The following NT5DC1 variants were observed in gnomAD, a reference collection of about 807,000 sequenced individuals.
NT5DC1 encodes the protein 5'-nucleotidase domain containing 1.
NT5DC1 carries 42 observed loss-of-function variants against 59.4 expected under a neutral mutation model. The ratio of observed to expected loss-of-function variants is 0.71; its 90% CI spans 0.55 to 0.92. The LOEUF is 0.92. Ranked by LOEUF, NT5DC1 falls within the 40% of genes least tolerant of loss-of-function variation. The pLI, the probability that NT5DC1 is intolerant of heterozygous loss-of-function variation, is 0.00. For synonymous variants in NT5DC1, 172 were observed against 188.1 expected, an observed-to-expected ratio of 0.91 and a Z score of 0.70; for missense variants, 501 against 537.1, an observed-to-expected ratio of 0.93 and a Z score of 0.66.
chr6:116,184,814 A>T (rs1011281761), intron 6 of NT5DC1, among the ~76,000 whole-genome samples: 1 of 152,026 alleles, frequency 6.6e-6, no homozygotes, highest in Non-Finnish European at 1.5e-5. Context: ...AATCTAATTT[A>T]TCTTTTCAAA....
chr6:116,200,170 G>A (rs1482634551), intron 6 of NT5DC1, among the ~76,000 whole-genome samples: 11 of 151,908 alleles, frequency 7.2e-5, no homozygotes, highest in African/African-American at 2.7e-4. Context: ...CCAGTCTAAT[G>A]AAAAAGTCAG....
At chr6:116,215,307 CAT>C (rs1781668269) in intron 6 of NT5DC1, among the ~76,000 whole-genome samples, 2 of 152,100 alleles carry the variant, frequency 1.3e-5, no homozygotes, top group Non-Finnish European at 2.9e-5. Flanking sequence ...AATTGCAAAA[CAT>C]GGTCTCCAAA....
rs754198326 is a variant in NT5DC1 at position 116,120,557 on chromosome 6, A to G, written c.529+2612A>G. 1.9e-6 allele frequency: 3 copies of G among 1,611,964 alleles called. No homozygotes were observed. The South Asian group carries it at 3.3e-5, about 18-fold the overall frequency. ...TGCCTTTATAAAACCCTCAGGCATG[A>G]CTGCTTGACCTGGTGGGCCTGGAGG... On this transcript the variant is annotated intron_variant, in intron 6 of 11. Coordinates refer to ENST00000319550, the MANE Select transcript of NT5DC1 (RefSeq NM_152729.3).
chr6:116,224,026 A>T (rs1019530102), intron 8 of NT5DC1, among the ~76,000 whole-genome samples: 1 of 152,214 alleles, frequency 6.6e-6, no homozygotes, highest in Non-Finnish European at 1.5e-5. Flanking sequence ...TGTCCACCAT[A>T]ATATATGATT....
chr6:116,189,296 A>AT (rs1781069543), intron 6 of NT5DC1, among the ~76,000 whole-genome samples: 1 of 151,520 alleles, frequency 6.6e-6, no homozygotes, highest in South Asian at 2.1e-4. Flanking sequence ...GCATGTGTAT[A>AT]TTTTTTCCCT....
chr6:116,101,782 C>T (rs1488501060), intron 1 of NT5DC1, among the ~76,000 whole-genome samples: 2 of 152,194 alleles, frequency 1.3e-5, no homozygotes, highest in African/African-American at 4.8e-5. Flanking sequence ...TCCACTATTC[C>T]TTTGGTTTCC....
rs372083871 is a variant in NT5DC1, at chr6:116,236,664, T to G, written c.803-302T>G. Among the ~76,000 whole-genome samples, 20 of 152,182 alleles carry G rather than the reference T, an allele frequency of 1.3e-4. No homozygotes were observed. The East Asian group carries it at 3.1e-3, about 24-fold the overall frequency. On this transcript the variant is annotated intron_variant, in intron 8 of 11. Coordinates refer to ENST00000319550, the MANE Select transcript of NT5DC1 (RefSeq NM_152729.3). ...GTTTTGTAGCAGTAGGGGCATGATG[T>G]CAAGCAGAGGCATGATGTCAAGCAG... is the stretch of plus-strand genomic sequence containing the variant.
intron 8 of NT5DC1, among the ~76,000 whole-genome samples, chr6:116,235,385 C>A (rs999793588): frequency 5.9e-5 from 9 of 152,082 alleles, no homozygotes; most frequent in African/African-American, 2.2e-4. Context: ...CCTATCTATT[C>A]TTTCTTTAAA....
intron 6 of NT5DC1, among the ~76,000 whole-genome samples, chr6:116,155,409 A>T (rs568739015): frequency 4.6e-5 from 7 of 152,224 alleles, no homozygotes; most frequent in African/African-American, 1.7e-4. Context: ...CTCTTTTGGA[A>T]TTCAGTGGCC....
intron 6 of NT5DC1, among the ~76,000 whole-genome samples, chr6:116,185,836 T>C (rs1391429037): frequency 6.6e-6 from 1 of 152,150 alleles, no homozygotes; most frequent in Non-Finnish European, 1.5e-5. Context: ...TCTGTATCTT[T>C]TAAGTGCAGC....
At chr6:116,221,289 G>T in intron 7 of NT5DC1, 61 bp downstream of exon 7, 1 of 975,446 alleles carries the variant, frequency 1.0e-6, no homozygotes, top group East Asian at 2.4e-5. Context: ...AATTAGACCA[G>T]GGCTTTTTTA....
chr6:116,130,357 A>G (rs1457355768), intron 6 of NT5DC1, among the ~76,000 whole-genome samples: 2 of 151,992 alleles, frequency 1.3e-5, no homozygotes, highest in African/African-American at 4.8e-5. Context: ...TATTAATCTT[A>G]CTATTGTTCA....
At chr6:116,219,232 C>T (rs12193094) in intron 6 of NT5DC1, among the ~76,000 whole-genome samples, 29,502 of 152,168 alleles carry the variant, frequency 0.19, 3,798 homozygotes, top group Middle Eastern at 0.34. Context: ...ATGTCCACTC[C>T]GCCATCTCTG....
At chr6:116,209,690 G>T (rs569464822) in intron 6 of NT5DC1, among the ~76,000 whole-genome samples, 1 of 151,982 alleles carries the variant, frequency 6.6e-6, no homozygotes, top group African/African-American at 2.4e-5. Context: ...ACGTTTATTT[G>T]GGGTTTTTTT....
intron 4 of NT5DC1, among the ~76,000 whole-genome samples, chr6:116,111,270 C>G (rs1474531098): frequency 6.6e-6 from 1 of 152,168 alleles, no homozygotes; most frequent in African/African-American, 2.4e-5. Flanking sequence ...GTTTTGTCCT[C>G]AATCCTTACT....
At position 116,236,986 on chromosome 6, in the gene NT5DC1, G is replaced by A. The variant is rs755035292; in HGVS notation, c.823G>A (p.Ala275Thr). The A allele has an allele frequency of 8.7e-6, 14 of 1,602,052 alleles. No homozygotes were observed. Among genetic ancestry groups the A allele is most frequent in the African/African-American group, 1.3e-5 (1 of 74,654 alleles). The part of the protein sequence containing the change: ...RTLENDEEQE[A>T]LPSLDKPGWY... ...TTCAGAGAATGATGAGGAGCAGGAG[G>A]CACTGCCATCTCTGGATAAACCTGG... Residue 275 changes from alanine (A) to threonine (T), a missense_variant, in exon 9 of 12, where the codon GCA becomes ACA. Ala to Thr is a moderately conservative substitution (Grantham distance 58, BLOSUM62 0). Coordinates refer to ENST00000319550, the MANE Select transcript of NT5DC1 (RefSeq NM_152729.3).
chr6:116,114,536 A>C lies in NT5DC1; in HGVS notation c.365-1155A>C, dbSNP rs12199005. Among the ~76,000 whole-genome samples, 57 of 20,276 alleles carry C rather than the reference A, an allele frequency of 2.8e-3. 1 individual carries two copies. Among genetic ancestry groups the C allele is most frequent in the East Asian group, 4.2e-3 (2 of 478 alleles). The allele number at this position is 20,276 out of a possible 152,430, so 13.3% of individuals were successfully genotyped here. A position where few individuals can be genotyped will look rare whatever the true frequency, so the allele number is the denominator to read the frequency against. On this transcript the variant is annotated intron_variant, in intron 4 of 11. Transcript: ENST00000319550. ...TATACATAGCTTGCAAATTGGGGGG[A>C]GGGGGGGGGAGTCAAAATCAGGTGA...
At chr6:116,153,744 G>C (rs1044278415) in intron 6 of NT5DC1, among the ~76,000 whole-genome samples, 2 of 152,080 alleles carry the variant, frequency 1.3e-5, no homozygotes, top group Non-Finnish European at 2.9e-5. Context: ...TACTGGTTTA[G>C]TCATATTCAT....
chr6:116,127,946 C>T (rs1028904433), intron 6 of NT5DC1, among the ~76,000 whole-genome samples: 1 of 152,082 alleles, frequency 6.6e-6, no homozygotes, highest in African/African-American at 2.4e-5. Context: ...TTTTTATCAA[C>T]ACAATGAAAA....
Sources: gnomAD v4.1 joint callset for allele counts (sites outside exome capture counted in the v4.1 genomes callset) on GRCh38, gnomAD v4.1.1 for gene constraint, MANE v1.5 for transcripts, NCBI Gene and HGNC (gene_info 2026-07-23, HGNC 2026-07-21) for gene names.